SNX29: variants seen among roughly 807,000 people sequenced by gnomAD.
The protein encoded by SNX29 is sorting nexin-29.
In SNX29, 78 loss-of-function variants were observed where a neutral mutation model predicts 102.1. That is an observed-to-expected ratio of 0.76 (90% CI 0.64 to 0.92). SNX29 has a LOEUF of 0.92. Ranked by LOEUF, SNX29 falls within the 40% of genes least tolerant of loss-of-function variation. The pLI is 0.00. For missense variants in SNX29, 1,280 were observed against 1,061.7 expected, an observed-to-expected ratio of 1.21 and a Z score of -2.86; for synonymous variants, 580 against 414.5, an observed-to-expected ratio of 1.40 and a Z score of -4.85.
rs569478586 is a variant in SNX29 at position 12,516,482 on chromosome 16, A to G, written c.2179-8220A>G. On this transcript the variant is annotated intron_variant, in intron 19 of 20. Transcript: ENST00000566228. ...GCAACAGAGAGATATCCCGTCTCAG[A>G]AAAAAAAAAAAAAAAAAAGGTGCAG... 3.8e-3 allele frequency among the ~76,000 whole-genome samples: 64 copies of G among 16,682 alleles called. 1 individual carries two copies. Among genetic ancestry groups the G allele is most frequent in the Middle Eastern group, 0.048 (2 of 42 alleles). 10.9% of individuals were successfully genotyped at this position (16,682 alleles called of 152,430 possible). A position where few individuals can be genotyped will look rare whatever the true frequency, so the allele number is the denominator to read the frequency against.
intron 15 of SNX29, among the ~76,000 whole-genome samples, chr16:12,321,483 G>A (rs1481102330): frequency 2.6e-5 from 4 of 152,216 alleles, no homozygotes; most frequent in African/African-American, 7.2e-5. Context: ...GGCATATGAC[G>A]TCATCTGTCA....
At chr16:12,120,856 G>C (rs966774740) in intron 11 of SNX29, among the ~76,000 whole-genome samples, 1 of 152,086 alleles carries the variant, frequency 6.6e-6, no homozygotes, top group Non-Finnish European at 1.5e-5. Flanking sequence ...TCGCATTCCC[G>C]AGATGCATAA....
Position 12,210,141 on chromosome 16 carries a change from G to A in SNX29, c.1678+10458G>A, listed in dbSNP as rs373590701. ...TGTGGGCCTGTCATCCCACTACGTC[G>A]GCTACTTTCCAGGCACACTGGTTCA... is the stretch of plus-strand genomic sequence containing the variant. On this transcript the variant is annotated intron_variant, in intron 14 of 20. Coordinates refer to ENST00000566228, the MANE Select transcript of SNX29 (RefSeq NM_032167.5). Among the ~76,000 whole-genome samples the A allele has an allele frequency of 7.9e-5, 12 of 152,176 alleles. No individual in the cohort carries two copies. In the South Asian group the frequency reaches 1.7e-3, roughly 21 times the overall value.
intron 18 of SNX29, among the ~76,000 whole-genome samples, chr16:12,431,747 G>T (rs928704255): frequency 1.6e-4 from 24 of 152,214 alleles, no homozygotes; most frequent in African/African-American, 5.8e-4. Flanking sequence ...CTTGGTCACA[G>T]CATCTTCTGA....
At chr16:12,541,114 TGGAGG>T (rs2077315497) in intron 20 of SNX29, among the ~76,000 whole-genome samples, 1 of 152,160 alleles carries the variant, frequency 6.6e-6, no homozygotes, top group African/African-American at 2.4e-5. Context: ...AAAGCTGACT[TGGAGG>T]GGAGACACAG....
chr16:12,182,759 A>G (rs1050285312), intron 13 of SNX29, among the ~76,000 whole-genome samples: 2 of 151,836 alleles, frequency 1.3e-5, no homozygotes, highest in Non-Finnish European at 2.9e-5. Flanking sequence ...GTGAAACCCC[A>G]TCTCTACTAG....
intron 20 of SNX29, among the ~76,000 whole-genome samples, chr16:12,548,651 G>A (rs922246276): frequency 5.9e-5 from 9 of 152,210 alleles, no homozygotes; most frequent in Middle Eastern, 3.2e-3. Flanking sequence ...GCCTCATTTG[G>A]TGTCAACTCA....
chr16:12,547,898 T>C (rs4080100), intron 20 of SNX29, among the ~76,000 whole-genome samples: 1 of 152,260 alleles, frequency 6.6e-6, no homozygotes, highest in African/African-American at 2.4e-5. Context: ...TAGGGCTGTA[T>C]AGGAGCTGCT....
At chr16:12,227,899 TAA>T (rs59381762) in intron 14 of SNX29, among the ~76,000 whole-genome samples, 24,868 of 70,694 alleles carry the variant, frequency 0.35, 3,994 homozygotes, top group South Asian at 0.61. Context: ...GACTCTGTCT[TAA>T]AAAAAAAAAA....
chr16:12,197,289 G>T (rs1206327735), intron 13 of SNX29, among the ~76,000 whole-genome samples: 1 of 152,290 alleles, frequency 6.6e-6, no homozygotes, highest in Admixed American at 6.5e-5. Flanking sequence ...TGCTCTACAG[G>T]CTGGGCGTGG....
chr16:12,110,057 T>C (rs1452004714), intron 11 of SNX29, among the ~76,000 whole-genome samples: 1 of 152,152 alleles, frequency 6.6e-6, no homozygotes, highest in Non-Finnish European at 1.5e-5. Context: ...GTGATCTCAC[T>C]GTCCTGCCGT....
intron 10 of SNX29, among the ~76,000 whole-genome samples, chr16:12,074,230 T>G (rs2051437118): frequency 6.6e-6 from 1 of 152,136 alleles, no homozygotes; most frequent in Non-Finnish European, 1.5e-5. Context: ...AGCTGGTTAT[T>G]TTGCTTGTTA....
At chr16:12,136,846 TCTC>T (rs1416618046) in intron 13 of SNX29, among the ~76,000 whole-genome samples, 1 of 152,170 alleles carries the variant, frequency 6.6e-6, no homozygotes, top group African/African-American at 2.4e-5. Context: ...TTCAAGCAAT[TCTC>T]CTGCTTCAGT....
At chr16:12,556,423 A>G (rs992999794) in intron 20 of SNX29, 3 of 152,274 alleles carry the variant, frequency 2.0e-5, no homozygotes, top group East Asian at 1.9e-4. Flanking sequence ...TCAGATGGCT[A>G]CAGATGCTGT....
chr16:12,267,024 A>G (rs1053216890), intron 14 of SNX29, among the ~76,000 whole-genome samples: 1 of 152,090 alleles, frequency 6.6e-6, no homozygotes, highest in African/African-American at 2.4e-5. Context: ...CAGCCTCCCA[A>G]AGTGCTGGGA....
intron 19 of SNX29, among the ~76,000 whole-genome samples, chr16:12,513,444 G>A (rs538597673): frequency 2.3e-4 from 34 of 150,848 alleles, no homozygotes; most frequent in Non-Finnish European, 4.3e-4. Context: ...TCTTCCCTGC[G>A]CTGCCTTCCT....
At chr16:12,233,969 A>T (rs1403034631) in intron 14 of SNX29, among the ~76,000 whole-genome samples, 1 of 152,220 alleles carries the variant, frequency 6.6e-6, no homozygotes, top group South Asian at 2.1e-4. Flanking sequence ...AGATTTTACT[A>T]TAAGGATATG....
In SNX29 at chr16:12,573,392, T is replaced by C. The variant is rs543206040; in HGVS notation, c.*4763T>C. The C allele has an allele frequency of 2.7e-5, 6 of 223,578 alleles. No individual in the cohort carries two copies. Among genetic ancestry groups the C allele is most frequent in the Non-Finnish European group, 5.3e-5 (6 of 112,188 alleles). 13.8% of individuals were successfully genotyped at this position (223,578 alleles called of 1,614,324 possible). A position where few individuals can be genotyped will look rare whatever the true frequency, so the allele number is the denominator to read the frequency against. On this transcript the variant is annotated 3_prime_UTR_variant, in exon 21 of 21. Coordinates refer to ENST00000566228, the MANE Select transcript of SNX29 (RefSeq NM_032167.5). ...CAAGTTGCGTATCCTTCCTTATAGC[T>C]AGTTTCTATAGAGAAGTGAAAAAGA...
chr16:12,548,135 C>G (rs923716307), intron 20 of SNX29, among the ~76,000 whole-genome samples: 5 of 152,228 alleles, frequency 3.3e-5, no homozygotes, highest in Admixed American at 6.5e-5. Flanking sequence ...TAGGAATTTT[C>G]TATCCCTGTT....
Sources: allele counts gnomAD v4.1 joint callset (sites outside exome capture counted in the v4.1 genomes callset), GRCh38; gene constraint gnomAD v4.1.1; transcripts MANE v1.5; gene names NCBI Gene and HGNC (gene_info 2026-07-23, HGNC 2026-07-21).